The following POLR3B variants were observed in gnomAD, a reference collection of about 807,000 sequenced individuals.
POLR3B encodes the protein DNA-directed RNA polymerase III subunit RPC2.
Under a neutral mutation model 147.4 loss-of-function variants are expected in POLR3B, and 96 were observed. That is an observed-to-expected ratio of 0.65 (90% CI 0.55 to 0.77). The LOEUF (loss-of-function observed/expected upper bound fraction) is 0.77. Among genes scored for constraint, POLR3B ranks in the 30% least tolerant of loss-of-function variants. POLR3B has a pLI of 0.00. For synonymous variants in POLR3B, 461 were observed against 485.9 expected (o/e 0.95, Z 0.67); for missense variants, 1,036 against 1,413.5 (o/e 0.73, Z 4.28).
intron 18 of POLR3B, among the ~76,000 whole-genome samples, chr12:106,441,586 T>C (rs930293685): frequency 4.6e-5 from 7 of 152,316 alleles, no homozygotes; most frequent in African/African-American, 1.7e-4. Flanking sequence ...TTGACCAAAA[T>C]GTTATGTGGT....
chr12:106,460,468 C>T (rs2037918713), intron 22 of POLR3B, among the ~76,000 whole-genome samples: 1 of 152,192 alleles, frequency 6.6e-6, no homozygotes, highest in African/African-American at 2.4e-5. Flanking sequence ...GTCATGCAAT[C>T]TGGCTTCAGA....
chr12:106,389,647 T>C (rs557988792), intron 9 of POLR3B, among the ~76,000 whole-genome samples: 5 of 152,192 alleles, frequency 3.3e-5, no homozygotes, highest in East Asian at 1.9e-4. Context: ...CTTATCCTTA[T>C]GGTTGAGCAT....
At chr12:106,480,585 G>A (rs1334370808) in intron 23 of POLR3B, among the ~76,000 whole-genome samples, 2 of 152,168 alleles carry the variant, frequency 1.3e-5, no homozygotes, top group African/African-American at 4.8e-5. Flanking sequence ...CTACCCTTGG[G>A]TCTCAGATCA....
intron 12 of POLR3B, among the ~76,000 whole-genome samples, chr12:106,412,720 G>A (rs1013461331): frequency 1.3e-5 from 2 of 152,124 alleles, no homozygotes; most frequent in Admixed American, 6.5e-5. Context: ...TGTACTCAGC[G>A]GCATTTTATT....
intron 1 of POLR3B, 63 bp downstream of exon 1, chr12:106,358,014 G>C (rs2036411786): frequency 4.4e-6 from 7 of 1,590,986 alleles, no homozygotes; most frequent in South Asian, 2.2e-5. Context: ...GCGTTGCCCG[G>C]AGTGCTCGGG....
intron 2 of POLR3B, among the ~76,000 whole-genome samples, chr12:106,364,904 G>T (rs1043526714): frequency 2.0e-5 from 3 of 152,226 alleles, no homozygotes; most frequent in Non-Finnish European, 4.4e-5. Context: ...GGGAGGCTGA[G>T]GTGGGCGGAT....
chr12:106,413,315 T>C (rs1373068076), intron 12 of POLR3B, among the ~76,000 whole-genome samples: 2 of 152,172 alleles, frequency 1.3e-5, no homozygotes, highest in African/African-American at 2.4e-5. Context: ...CAATTCTAGA[T>C]TGATATTTAT....
In POLR3B at chr12:106,430,457, A is replaced by C; in HGVS notation, c.1448A>C (p.Asp483Ala). 3 of 1,612,490 alleles carry C rather than the reference A, an allele frequency of 1.9e-6. No homozygotes were observed. The highest frequency in any genetic ancestry group is 2.5e-6 in the Non-Finnish European group (3 of 1,179,452). The change falls in exon 14 of 28, where the codon GAC (aspartate) becomes GCC (alanine). Residue 483 changes from aspartate (D) to alanine (A), a missense_variant. Physicochemically the swap from Asp to Ala is moderately radical, Grantham distance 126. Transcript: ENST00000228347. ...PSQWGMLCPS[D>A]TPEGEACGLV... ...CAGTGGGGAATGCTGTGTCCTTCGG[A>C]CACTCCTGAAGGAGAGGTAAGGAAT... is the stretch of plus-strand genomic sequence containing the variant.
Position 106,430,491 on chromosome 12 carries a change from T to G in POLR3B, c.1464+18T>G. On this transcript the variant is annotated intron_variant, in intron 14 of 27. Coordinates refer to ENST00000228347, the MANE Select transcript of POLR3B (RefSeq NM_018082.6). ...AAGGAGAGGTAAGGAATCTGAGGAGTCTTGATGCTGTGTAAGAGGCGATAC... is the reference window on the plus strand; with the variant it reads ...AAGGAGAGGTAAGGAATCTGAGGAGGCTTGATGCTGTGTAAGAGGCGATAC... The G allele has an allele frequency of 6.2e-7, 1 of 1,600,560 alleles. No individual in the cohort carries two copies. The highest frequency in any genetic ancestry group is 8.5e-7 in the Non-Finnish European group (1 of 1,169,728).
At chr12:106,423,392 A>G (rs1160398921) in intron 12 of POLR3B, among the ~76,000 whole-genome samples, 1 of 152,212 alleles carries the variant, frequency 6.6e-6, no homozygotes, top group Non-Finnish European at 1.5e-5. Flanking sequence ...GAAGGAATTT[A>G]TTATGGGAAT....
At position 106,509,600 on chromosome 12, in the gene POLR3B, G is replaced by A. The variant is rs189041433; in HGVS notation, c.*51G>A. 293 of 1,538,788 alleles carry A rather than the reference G, an allele frequency of 1.9e-4. 1 individual carries two copies. In the African/African-American group the frequency reaches 3.4e-3, roughly 18 times the overall value. The stretch of plus-strand genomic sequence containing the variant: ...GAACAAGTGATACATCCAATGCAAC[G>A]GAAAGCAGAAGGGATTTAGGACTAC... On this transcript the variant is annotated 3_prime_UTR_variant, in exon 28 of 28. Coordinates refer to ENST00000228347, the MANE Select transcript of POLR3B (RefSeq NM_018082.6).
At chr12:106,476,925 T>C (rs1019735244) in intron 23 of POLR3B, among the ~76,000 whole-genome samples, 5 of 151,760 alleles carry the variant, frequency 3.3e-5, no homozygotes, top group African/African-American at 1.2e-4. Flanking sequence ...CTGCATTCCT[T>C]TGGAGGAGGA....
intron 2 of POLR3B, among the ~76,000 whole-genome samples, chr12:106,365,107 C>T (rs2136880954): frequency 1.3e-5 from 2 of 152,162 alleles, no homozygotes; most frequent in South Asian, 2.1e-4. Flanking sequence ...TGCACTGCAG[C>T]CTGGTCGACA....
Position 106,509,511 on chromosome 12 carries a change from A to G in POLR3B, c.3364A>G (p.Ile1122Val), listed in dbSNP as rs1348691729. The change falls in exon 28 of 28, where the codon ATC (isoleucine) becomes GTC (valine). Residue 1122 changes from isoleucine to valine, a missense_variant. Physicochemically the swap from Ile to Val is conservative, Grantham distance 29. Transcript: ENST00000228347. The stretch of plus-strand genomic sequence containing the variant: ...CTTCCAGGAACTACAGTCTATGAAC[A>G]TCATCCCCAGGTTAAAACTGTCCAA... ...LLFQELQSMN[I>V]IPRLKLSKYN... 1.2e-6 allele frequency: 2 copies of G among 1,613,284 alleles called. No homozygotes were observed. The highest frequency in any genetic ancestry group is 1.7e-6 in the Non-Finnish European group (2 of 1,179,242).
At chr12:106,376,604 G>A (rs2036682789) in intron 7 of POLR3B, among the ~76,000 whole-genome samples, 154 bp downstream of exon 7, 3 of 151,200 alleles carry the variant, frequency 2.0e-5, no homozygotes, top group Admixed American at 6.6e-5. Context: ...CTAGCTTTAT[G>A]CTACTAGTCT....
At chr12:106,418,287 C>T (rs1441165871) in intron 12 of POLR3B, among the ~76,000 whole-genome samples, 4 of 152,152 alleles carry the variant, frequency 2.6e-5, no homozygotes, top group Admixed American at 2.6e-4. Context: ...TCTAATGCAG[C>T]TTGCTTTGTA....
At chr12:106,450,434 G>A (rs1182907976) in intron 19 of POLR3B, among the ~76,000 whole-genome samples, 3 of 152,084 alleles carry the variant, frequency 2.0e-5, no homozygotes, top group Non-Finnish European at 4.4e-5. Context: ...CATAGAATGG[G>A]AGAAAGTATT....
rs367996081 is a variant in POLR3B at position 106,382,974 on chromosome 12, C to T, written c.723+2835C>T. ...GAAAATCGGTTGTTTAGTATAGACA[C>T]CTTCATCAGTGATCTTAGCCAGATC... On this transcript the variant is annotated intron_variant, in intron 9 of 27. Coordinates refer to ENST00000228347, the MANE Select transcript of POLR3B (RefSeq NM_018082.6). Among the ~76,000 whole-genome samples, 16 of 152,316 alleles carry T rather than the reference C, an allele frequency of 1.1e-4. No individual in the cohort carries two copies. The South Asian group carries it at 3.1e-3, about 30-fold the overall frequency.
intron 19 of POLR3B, among the ~76,000 whole-genome samples, chr12:106,450,902 G>C (rs961006326): frequency 4.6e-5 from 7 of 152,244 alleles, no homozygotes; most frequent in African/African-American, 1.7e-4. Context: ...AATGTTTATA[G>C]CAGTTTTATT....
Sources: gnomAD v4.1 joint callset for allele counts (sites outside exome capture counted in the v4.1 genomes callset) on GRCh38, gnomAD v4.1.1 for gene constraint, MANE v1.5 for transcripts, NCBI Gene and HGNC (gene_info 2026-07-23, HGNC 2026-07-21) for gene names.